MPDZ: variants seen among roughly 807,000 people sequenced by gnomAD.
MPDZ encodes the protein multiple PDZ domain crumbs cell polarity complex component, also known as multiple PDZ domain protein.
Under a neutral mutation model 239.1 loss-of-function variants are expected in MPDZ, and 234 were observed. That is an observed-to-expected ratio of 0.98 (90% CI 0.88 to 1.09). MPDZ has a LOEUF of 1.09. Ranked by LOEUF, MPDZ falls within the 50% of genes least tolerant of loss-of-function variation. The probability of loss-of-function intolerance (pLI) is 0.00; values close to 1 mark genes in which losing one functional copy is unlikely to be tolerated. For missense variants in MPDZ, 3,175 were observed against 2,510.0 expected (o/e 1.26, Z -5.66); for synonymous variants, 1,048 against 881.3 (o/e 1.19, Z -3.35).
At chr9:13,252,143 A>T (rs1051436508) in intron 1 of MPDZ, among the ~76,000 whole-genome samples, 1 of 152,190 alleles carries the variant, frequency 6.6e-6, no homozygotes, top group East Asian at 1.9e-4. Flanking sequence ...ATGAGGCCTA[A>T]TATAGGGAAA....
At chr9:13,133,942 G>T in intron 31 of MPDZ, 38 bp from the exon 32 acceptor site, 1 of 1,213,278 alleles carries the variant, frequency 8.2e-7, no homozygotes. Flanking sequence ...GAGCAACTGA[G>T]TGTTAGGAAA....
At chr9:13,278,249 A>G (rs112283447) in intron 1 of MPDZ, among the ~76,000 whole-genome samples, 2,548 of 152,180 alleles carry the variant, frequency 0.017, 66 homozygotes, top group African/African-American at 0.059. Flanking sequence ...CTATCTGATG[A>G]TACCTAGGAA....
intron 38 of MPDZ, 80 bp from the exon 39 acceptor site, chr9:13,119,729 A>G: frequency 6.4e-7 from 1 of 1,564,014 alleles, no homozygotes; most frequent in East Asian, 2.3e-5. Flanking sequence ...TTACGTTTTT[A>G]CCCAAAATTT....
rs777802616 is a variant in MPDZ, at chr9:13,123,191, G to A, written c.4915C>T (p.Leu1639=). 6 of 1,613,096 alleles carry A rather than the reference G, an allele frequency of 3.7e-6. No homozygotes were observed. The highest frequency in any genetic ancestry group is 1.1e-5 in the South Asian group (1 of 91,008). ...TIEISKGRTG[L]GLSIVGGSDT... ...GAACCCCCAACGATGCTCAGGCCCA[G>A]CCCTGTTCGCCCTTTGGAAATCTCG... The change falls in exon 36 of 47, where the codon CTG becomes TTG. Residue 1639 remains leucine, a synonymous_variant. Coordinates refer to ENST00000319217, the MANE Select transcript of MPDZ (RefSeq NM_001378778.1).
At chr9:13,224,651 AG>A (rs1388079594) in intron 3 of MPDZ, 68 bp from the exon 4 acceptor site, 1 of 1,058,606 alleles carries the variant, frequency 9.4e-7, no homozygotes, top group Non-Finnish European at 1.4e-6. Flanking sequence ...AAATATCCCA[AG>A]GGTACAAGGA....
chr9:13,200,026 T>A (rs1237337533), intron 12 of MPDZ, among the ~76,000 whole-genome samples: 1 of 152,054 alleles, frequency 6.6e-6, no homozygotes, highest in East Asian at 1.9e-4. Context: ...TTAGTAGAAC[T>A]GGATTAGTTA....
At chr9:13,136,680 T>C (rs761757348) in intron 30 of MPDZ, 32 bp downstream of exon 30, 2 of 1,329,562 alleles carry the variant, frequency 1.5e-6, no homozygotes, top group South Asian at 2.6e-5. Flanking sequence ...TAACAAAAAG[T>C]ATTTGGTAAA....
chr9:13,271,126 A>C (rs1972853127), intron 1 of MPDZ, among the ~76,000 whole-genome samples: 1 of 152,200 alleles, frequency 6.6e-6, no homozygotes, highest in Non-Finnish European at 1.5e-5. Context: ...TTTCAAAATT[A>C]AATATTTTTA....
chr9:13,112,831 T>C (rs1401601109), intron 42 of MPDZ, among the ~76,000 whole-genome samples, 180 bp downstream of exon 42: 1 of 152,186 alleles, frequency 6.6e-6, no homozygotes, highest in Non-Finnish European at 1.5e-5. Context: ...ATTTTTCAAA[T>C]GAGGTGCTGT....
At position 13,107,027 on chromosome 9, in the gene MPDZ, C is replaced by T. The variant is rs773263813; in HGVS notation, c.6151G>A (p.Glu2051Lys). 1 of 1,613,394 alleles carries T rather than the reference C, an allele frequency of 6.2e-7. No individual in the cohort carries two copies. The highest frequency in any genetic ancestry group is 8.5e-7 in the Non-Finnish European group (1 of 1,179,466). ...NGQSLEGVTH[E>K]EAVAILKRTK... ...CGTTTAAGGATGGCAACAGCTTCTT[C>T]ATGGGTGACTCCTTCTAGACTCTGC... is the stretch of plus-strand genomic sequence containing the variant. The change falls in exon 47 of 47, where the codon GAA (glutamate) becomes AAA (lysine). Residue 2051 changes from glutamate (E) to lysine (K), a missense_variant. Coordinates refer to ENST00000319217, the MANE Select transcript of MPDZ (RefSeq NM_001378778.1).
intron 19 of MPDZ, among the ~76,000 whole-genome samples, chr9:13,177,377 G>A (rs1390320580): frequency 2.6e-5 from 4 of 151,904 alleles, no homozygotes; most frequent in Admixed American, 1.3e-4. Flanking sequence ...ACTTCCATTC[G>A]CTTCCCCAGT....
intron 15 of MPDZ, among the ~76,000 whole-genome samples, chr9:13,191,269 C>T (rs1047554825): frequency 1.3e-5 from 2 of 152,048 alleles, no homozygotes; most frequent in Admixed American, 6.6e-5. Flanking sequence ...CTAAACTATG[C>T]ATTTTATTCT....
At chr9:13,231,529 C>G (rs1000069544) in intron 3 of MPDZ, among the ~76,000 whole-genome samples, 4 of 151,924 alleles carry the variant, frequency 2.6e-5, no homozygotes, top group African/African-American at 9.7e-5. Context: ...GTACTCCAGC[C>G]TGGGTGACAA....
In MPDZ at chr9:13,186,924, TG is replaced by T. The variant is rs572591483; in HGVS notation, c.2365-539del. ...AACTCTACGGGAATTCAATTTAGCA[TG>T]GCTTATAAAACAAAACGAAACAAAA... On this transcript the variant is annotated intron_variant, in intron 17 of 46. Transcript: ENST00000319217. 7.0e-3 allele frequency among the ~76,000 whole-genome samples: 1,062 copies of T among 152,266 alleles called. 18 individuals are homozygous for T. Among genetic ancestry groups the T allele is most frequent in the Non-Finnish European group, 8.2e-3 (557 of 68,004 alleles).
At chr9:13,204,643 T>C (rs1384788656) in intron 12 of MPDZ, among the ~76,000 whole-genome samples, 1 of 152,174 alleles carries the variant, frequency 6.6e-6, no homozygotes, top group Non-Finnish European at 1.5e-5. Context: ...GTGTTAATGA[T>C]TCTCCTGTGT....
chr9:13,263,566 TAAAG>T lies in MPDZ; in HGVS notation c.-57-13198_-57-13195del, dbSNP rs770518176. 6.6e-5 allele frequency among the ~76,000 whole-genome samples: 10 copies of T among 152,218 alleles called. No homozygotes were observed. The South Asian group carries it at 1.7e-3, about 25-fold the overall frequency. On this transcript the variant is annotated intron_variant, in intron 1 of 46. Transcript: ENST00000319217. ...AAACATTTCTTCAAAATATATCTCA[TAAAG>T]AATCATTTTCAGTTTTACTATTAAA...
At chr9:13,230,808 T>C (rs554420444) in intron 3 of MPDZ, among the ~76,000 whole-genome samples, 1 of 151,916 alleles carries the variant, frequency 6.6e-6, no homozygotes, top group Admixed American at 6.6e-5. Context: ...TGAATGATAA[T>C]GAAGATACGA....
At chr9:13,231,424 G>A (rs1465648623) in intron 3 of MPDZ, among the ~76,000 whole-genome samples, 1 of 151,990 alleles carries the variant, frequency 6.6e-6, no homozygotes, top group Non-Finnish European at 1.5e-5. Flanking sequence ...AAAATTAGCT[G>A]AGCATGGTTG....
At position 13,163,696 on chromosome 9, in the gene MPDZ, A is replaced by T. The variant is rs190998963; in HGVS notation, c.3255-901T>A. ...ATACAGCATGTTTGTGCAACTAAAA[A>T]TTAGAAATCACAAAGATTATTAAAC... On this transcript the variant is annotated intron_variant, in intron 22 of 46. Transcript: ENST00000319217. Among the ~76,000 whole-genome samples, 31 of 152,320 alleles carry T rather than the reference A, an allele frequency of 2.0e-4. 1 individual carries two copies. Among genetic ancestry groups the T allele is most frequent in the Admixed American group, 2.0e-3 (30 of 15,274 alleles).
Sources: gnomAD v4.1 joint callset for allele counts (sites outside exome capture counted in the v4.1 genomes callset) on GRCh38, gnomAD v4.1.1 for gene constraint, MANE v1.5 for transcripts, NCBI Gene and HGNC (gene_info 2026-07-23, HGNC 2026-07-21) for gene names.